The following TMEM132D variants were observed in gnomAD, a reference collection of about 807,000 sequenced individuals.
The protein encoded by TMEM132D is transmembrane protein 132D, also known as mature OL transmembrane protein.
In TMEM132D, 21 loss-of-function variants were observed where a neutral mutation model predicts 62.3. That is an observed-to-expected ratio of 0.34 (90% CI 0.24 to 0.49). The LOEUF is 0.49. Among genes scored for constraint, TMEM132D ranks in the 20% least tolerant of loss-of-function variants. The pLI, the probability that TMEM132D is intolerant of heterozygous loss-of-function variation, is 0.99. For synonymous variants in TMEM132D, 621 were observed against 575.6 expected, an observed-to-expected ratio of 1.08 and a Z score of -1.13; for missense variants, 1,346 against 1,402.8, an observed-to-expected ratio of 0.96 and a Z score of 0.65.
intron 3 of TMEM132D, among the ~76,000 whole-genome samples, chr12:129,457,674 T>C (rs1873520548): frequency 6.6e-6 from 1 of 151,948 alleles, no homozygotes; most frequent in Admixed American, 6.6e-5. Context: ...CCCAGGAAAC[T>C]TACAATCATG....
intron 2 of TMEM132D, among the ~76,000 whole-genome samples, chr12:129,563,839 C>T (rs1342103974): frequency 6.6e-6 from 1 of 152,002 alleles, no homozygotes; most frequent in East Asian, 1.9e-4. Flanking sequence ...ACTGAACAAT[C>T]AATACATTAA....
At chr12:129,478,436 C>T (rs1457705480) in intron 3 of TMEM132D, among the ~76,000 whole-genome samples, 17 of 152,212 alleles carry the variant, frequency 1.1e-4, no homozygotes, top group Non-Finnish European at 1.5e-5. Flanking sequence ...TATGGTTGAG[C>T]TTTGACAGAA....
At chr12:129,105,722 A>G (rs1406434663) in intron 5 of TMEM132D, among the ~76,000 whole-genome samples, 2 of 151,324 alleles carry the variant, frequency 1.3e-5, no homozygotes, top group African/African-American at 2.5e-5. Context: ...ATGAGATACC[A>G]TCTCACACCA....
intron 5 of TMEM132D, among the ~76,000 whole-genome samples, chr12:129,124,995 A>G (rs1876172308): frequency 6.6e-6 from 1 of 152,172 alleles, no homozygotes; most frequent in East Asian, 1.9e-4. Context: ...AACTAATCCT[A>G]AGAGGAAGAC....
chr12:129,862,970 G>A (rs976006372), intron 1 of TMEM132D, among the ~76,000 whole-genome samples: 14 of 152,052 alleles, frequency 9.2e-5, no homozygotes, highest in South Asian at 4.1e-4. Flanking sequence ...GTGCAGTTCC[G>A]CCTTCCTCAG....
At chr12:129,343,663 G>C (rs1027012695) in intron 3 of TMEM132D, among the ~76,000 whole-genome samples, 11 of 151,866 alleles carry the variant, frequency 7.2e-5, no homozygotes, top group Non-Finnish European at 1.6e-4. Flanking sequence ...TGTAATCCCA[G>C]CACTTTGGGA....
rs1480638730 is a variant in TMEM132D, at chr12:129,432,132, T to C, written c.1116-94315A>G. On this transcript the variant is annotated intron_variant, in intron 3 of 8. Coordinates refer to ENST00000422113, the MANE Select transcript of TMEM132D (RefSeq NM_133448.3). ...ATGAATGGATGGATAGGTGGATGGA[T>C]GGATGGATGGATGGATGGATGGATG... is the stretch of plus-strand genomic sequence containing the variant. Among the ~76,000 whole-genome samples, 3 of 144,868 alleles carry C rather than the reference T, an allele frequency of 2.1e-5. No homozygotes were observed. In the East Asian group the frequency reaches 6.2e-4, roughly 30 times the overall value.
intron 3 of TMEM132D, among the ~76,000 whole-genome samples, chr12:129,522,182 T>C (rs527280620): frequency 2.6e-5 from 4 of 152,314 alleles, no homozygotes; most frequent in Non-Finnish European, 5.9e-5. Flanking sequence ...TTGACACACA[T>C]CATGGCAGGT....
chr12:129,176,511 G>A (rs748303386), intron 5 of TMEM132D, among the ~76,000 whole-genome samples: 24 of 152,226 alleles, frequency 1.6e-4, no homozygotes, highest in Non-Finnish European at 3.4e-4. Context: ...CACAGAGGAA[G>A]GCGAATAGCA....
intron 2 of TMEM132D, among the ~76,000 whole-genome samples, chr12:129,660,227 A>G (rs1478782922): frequency 6.6e-6 from 1 of 152,148 alleles, no homozygotes; most frequent in Non-Finnish European, 1.5e-5. Context: ...GAAAGCAATA[A>G]ACAAATGGGG....
intron 4 of TMEM132D, among the ~76,000 whole-genome samples, chr12:129,285,193 A>G (rs1360579103): frequency 6.6e-6 from 1 of 152,086 alleles, no homozygotes; most frequent in Admixed American, 6.6e-5. Context: ...GATTGAGACC[A>G]TCATGCAGAA....
At chr12:129,244,655 T>G (rs930487004) in intron 4 of TMEM132D, among the ~76,000 whole-genome samples, 41 of 152,194 alleles carry the variant, frequency 2.7e-4, no homozygotes, top group Non-Finnish European at 4.3e-4. Flanking sequence ...TTTGTTTTGT[T>G]TTTGAGACAG....
chr12:129,529,787 G>A lies in TMEM132D; in HGVS notation c.1115+1272C>T, dbSNP rs564948128. 1.1e-3 allele frequency among the ~76,000 whole-genome samples: 171 copies of A among 152,156 alleles called. 3 individuals carry two copies. In the South Asian group the frequency reaches 0.033, roughly 30 times the overall value. On this transcript the variant is annotated intron_variant, in intron 3 of 8. Transcript: ENST00000422113. The stretch of plus-strand genomic sequence containing the variant: ...CGTCTACCCATCCGTCCACCCCCGT[G>A]TCCATCTCTCCCAATTTTTGCTAAC...
intron 2 of TMEM132D, among the ~76,000 whole-genome samples, chr12:129,608,098 T>C (rs990361860): frequency 3.3e-5 from 5 of 152,200 alleles, no homozygotes; most frequent in African/African-American, 1.2e-4. Flanking sequence ...AACCCCTGGC[T>C]TTTAAACTAA....
At chr12:129,189,387 T>C (rs1274950405) in intron 5 of TMEM132D, among the ~76,000 whole-genome samples, 3 of 151,946 alleles carry the variant, frequency 2.0e-5, no homozygotes, top group African/African-American at 7.3e-5. Flanking sequence ...CCCTGGGAAG[T>C]AAGGAAGATG....
At chr12:129,316,246 T>C (rs918465066) in intron 4 of TMEM132D, among the ~76,000 whole-genome samples, 2 of 152,168 alleles carry the variant, frequency 1.3e-5, no homozygotes, top group African/African-American at 4.8e-5. Context: ...AAAATGTCAG[T>C]TTGTGCTCTT....
intron 5 of TMEM132D, among the ~76,000 whole-genome samples, chr12:129,107,764 G>C (rs535797134): frequency 3.3e-5 from 5 of 152,210 alleles, no homozygotes; most frequent in African/African-American, 4.8e-5. Context: ...ATAGTTCACT[G>C]AAGCCTTGAC....
At chr12:129,448,355 C>A (rs1268810289) in intron 3 of TMEM132D, among the ~76,000 whole-genome samples, 2 of 152,084 alleles carry the variant, frequency 1.3e-5, no homozygotes, top group African/African-American at 2.4e-5. Context: ...GTTATTTTTC[C>A]TGATCCTCTC....
chr12:129,699,732 C>CT, intron 2 of TMEM132D, 78 bp downstream of exon 2: 2 of 1,556,058 alleles, frequency 1.3e-6, no homozygotes, highest in Non-Finnish European at 1.7e-6. Flanking sequence ...GATAACACAG[C>CT]TTTTCTGGTC....
Sources: allele counts gnomAD v4.1 joint callset (sites outside exome capture counted in the v4.1 genomes callset), GRCh38; gene constraint gnomAD v4.1.1; transcripts MANE v1.5; gene names NCBI Gene and HGNC (gene_info 2026-07-23, HGNC 2026-07-21).